Variants in DCTN5 observed in about 807,000 individuals in gnomAD.
The protein encoded by DCTN5 is dynactin 4.
Under a neutral mutation model 23.5 loss-of-function variants are expected in DCTN5, and 14 were observed. The observed-to-expected ratio is 0.60, with a 90% CI of 0.39 to 0.93. The LOEUF (loss-of-function observed/expected upper bound fraction) is 0.93. Ranked by LOEUF, DCTN5 falls within the 40% of genes least tolerant of loss-of-function variation. The pLI is 0.00. For synonymous variants in DCTN5, 67 were observed against 79.6 expected (o/e 0.84, Z 0.84); for missense variants, 156 against 225.9 (o/e 0.69, Z 1.98).
intron 2 of DCTN5, among the ~76,000 whole-genome samples, chr16:23,643,353 G>C (rs577089793): frequency 1.3e-5 from 2 of 151,292 alleles, no homozygotes; most frequent in South Asian, 4.2e-4. Flanking sequence ...CACCAAGCCC[G>C]GCTAATATTT....
At chr16:23,655,777 T>TC (rs1967693580) in intron 2 of DCTN5, among the ~76,000 whole-genome samples, 1 of 152,166 alleles carries the variant, frequency 6.6e-6, no homozygotes, top group Admixed American at 6.5e-5. Flanking sequence ...CCTCCTGTGC[T>TC]CAAGCAGTCC....
At chr16:23,649,493 C>T (rs917577229) in intron 2 of DCTN5, among the ~76,000 whole-genome samples, 5 of 152,100 alleles carry the variant, frequency 3.3e-5, no homozygotes, top group African/African-American at 1.2e-4. Flanking sequence ...AGCATTTCCC[C>T]TATGTTTTCT....
Position 23,676,193 on chromosome 16 carries a change from GAAAA to G in DCTN5, c.*9060_*9063del. The G allele has an allele frequency of 7.5e-6, 1 of 133,578 alleles. No homozygotes were observed. Among genetic ancestry groups the G allele is most frequent in the Non-Finnish European group, 1.6e-5 (1 of 61,446 alleles). The allele number at this position is 133,578 out of a possible 1,614,324, so 8.3% of individuals were successfully genotyped here. On this transcript the variant is annotated 3_prime_UTR_variant, in exon 6 of 6. Coordinates refer to ENST00000300087, the MANE Select transcript of DCTN5 (RefSeq NM_032486.4). ...CTGAATTGATGCCTCAGGTCAGGTTGAAAAAAAAAAAAAAGGTTCAGACAGCAAT... is the reference window on the plus strand; with the variant it reads ...CTGAATTGATGCCTCAGGTCAGGTTGAAAAAAAAAAGGTTCAGACAGCAAT...
intron 2 of DCTN5, among the ~76,000 whole-genome samples, chr16:23,653,143 C>CA (rs1365748815): frequency 6.6e-6 from 1 of 151,816 alleles, no homozygotes; most frequent in Admixed American, 6.6e-5. Context: ...CCCTGTCCCC[C>CA]AAAAAATGAA....
intron 2 of DCTN5, chr16:23,650,823 G>A (rs1328277997): frequency 6.7e-7 from 1 of 1,502,494 alleles, no homozygotes; most frequent in African/African-American, 1.4e-5. Context: ...GATAGAAAGA[G>A]ATCAGATGAG....
At chr16:23,652,140 A>G (rs1430951466) in intron 2 of DCTN5, among the ~76,000 whole-genome samples, 1 of 150,308 alleles carries the variant, frequency 6.7e-6, no homozygotes, top group Non-Finnish European at 1.5e-5. Flanking sequence ...GACTATACGT[A>G]TGCAGTTGAG....
At chr16:23,648,344 CTTTTTTTTTTTTTTTT>C (rs960786045) in intron 2 of DCTN5, among the ~76,000 whole-genome samples, 2 of 105,524 alleles carry the variant, frequency 1.9e-5, no homozygotes, top group Non-Finnish European at 3.9e-5. Context: ...TTTCTTTTTT[CTTTTTTTTTTTTTTTT>C]TTTTTTAGAG....
At chr16:23,660,397 T>C (rs578105246) in intron 3 of DCTN5, among the ~76,000 whole-genome samples, 12 of 152,328 alleles carry the variant, frequency 7.9e-5, no homozygotes, top group African/African-American at 2.9e-4. Flanking sequence ...GGTATAGAAA[T>C]TACATATAAA....
chr16:23,657,783 A>G (rs749800897), intron 2 of DCTN5, among the ~76,000 whole-genome samples: 10 of 152,182 alleles, frequency 6.6e-5, no homozygotes, highest in Non-Finnish European at 2.9e-5. Context: ...TATTGACTCT[A>G]TATCCTCTAG....
intron 1 of DCTN5, among the ~76,000 whole-genome samples, 185 bp downstream of exon 1, chr16:23,641,775 C>A (rs1193492305): frequency 6.6e-6 from 1 of 152,030 alleles, no homozygotes; most frequent in Non-Finnish European, 1.5e-5. Context: ...CCAGTTGAGG[C>A]CTTTTGTATT....
In DCTN5 at chr16:23,676,046, AG is replaced by A. The variant is rs1259150043; in HGVS notation, c.*8906del. 1 of 152,196 alleles carries A rather than the reference AG, an allele frequency of 6.6e-6. No homozygotes were observed. Among genetic ancestry groups the A allele is most frequent in the Non-Finnish European group, 1.5e-5 (1 of 68,054 alleles). The allele number at this position is 152,196 out of a possible 1,614,324, so 9.4% of individuals were successfully genotyped here. On this transcript the variant is annotated 3_prime_UTR_variant, in exon 6 of 6. Coordinates refer to ENST00000300087, the MANE Select transcript of DCTN5 (RefSeq NM_032486.4). ...CTAATATTGCAAATTCTTTGTTTACAGGGGTACCACCTGTGCCCCTGGGACT... is the reference window on the plus strand; with the variant it reads ...CTAATATTGCAAATTCTTTGTTTACAGGGTACCACCTGTGCCCCTGGGACT...
At chr16:23,649,086 C>T (rs975939215) in intron 2 of DCTN5, among the ~76,000 whole-genome samples, 5 of 152,294 alleles carry the variant, frequency 3.3e-5, no homozygotes, top group South Asian at 2.1e-4. Flanking sequence ...TCTCGAACTC[C>T]TGACCTCAAG....
intron 2 of DCTN5, among the ~76,000 whole-genome samples, chr16:23,647,133 T>TG (rs370728385): frequency 3.6e-5 from 2 of 55,174 alleles, no homozygotes; most frequent in African/African-American, 1.2e-4. Context: ...ATAAGTTTTC[T>TG]GGTTTTTTTT....
chr16:23,666,176 C>G (rs1967902278), intron 5 of DCTN5, among the ~76,000 whole-genome samples: 1 of 152,206 alleles, frequency 6.6e-6, no homozygotes, highest in African/African-American at 2.4e-5. Context: ...GAAAGCATTT[C>G]TTGCCTGGCC....
chr16:23,673,657 A>G lies in DCTN5; in HGVS notation c.*6513A>G, dbSNP rs1057233444. 2.6e-5 allele frequency: 4 copies of G among 152,238 alleles called. No homozygotes were observed. Among genetic ancestry groups the G allele is most frequent in the Non-Finnish European group, 5.9e-5 (4 of 68,036 alleles). The allele number at this position is 152,238 out of a possible 1,614,324, so 9.4% of individuals were successfully genotyped here. A position where few individuals can be genotyped will look rare whatever the true frequency, so the allele number is the denominator to read the frequency against. ...TCACCCTAATCAAATAAAGCTACTC[A>G]AAAATAAAATATGAAAGGTGTTAGT... On this transcript the variant is annotated 3_prime_UTR_variant, in exon 6 of 6. Transcript: ENST00000300087.
chr16:23,659,508 A>G (rs1369607016), intron 3 of DCTN5, among the ~76,000 whole-genome samples: 1 of 152,202 alleles, frequency 6.6e-6, no homozygotes, highest in Non-Finnish European at 1.5e-5. Context: ...ATAAAATAAA[A>G]TTCCTGCCTC....
At chr16:23,649,303 A>G (rs1967546942) in intron 2 of DCTN5, among the ~76,000 whole-genome samples, 1 of 152,214 alleles carries the variant, frequency 6.6e-6, no homozygotes, top group South Asian at 2.1e-4. Context: ...AGTTCCTTGT[A>G]TTAATATATT....
intron 5 of DCTN5, chr16:23,666,049 G>T: frequency 3.9e-6 from 1 of 254,164 alleles, no homozygotes; most frequent in South Asian, 6.7e-5. Flanking sequence ...ATGTCGGGAT[G>T]GAAATAAAGC....
chr16:23,658,378 C>T (rs1967749274), intron 2 of DCTN5, 129 bp from the exon 3 acceptor site: 9 of 691,002 alleles, frequency 1.3e-5, no homozygotes, highest in Non-Finnish European at 2.0e-5. Context: ...TTCCTTTTGG[C>T]GGAACATTTG....
Sources: gnomAD v4.1 joint callset for allele counts (sites outside exome capture counted in the v4.1 genomes callset) on GRCh38, gnomAD v4.1.1 for gene constraint, MANE v1.5 for transcripts, NCBI Gene and HGNC (gene_info 2026-07-23, HGNC 2026-07-21) for gene names.